XKR4: variants seen among roughly 807,000 people sequenced by gnomAD.
XKR4 encodes XK related 4, also known as XK-related protein 4.
In XKR4, 12 loss-of-function variants were observed where a neutral mutation model predicts 53.9. The observed-to-expected ratio is 0.22, with a 90% CI of 0.14 to 0.36. The LOEUF (loss-of-function observed/expected upper bound fraction) is 0.36. Among genes scored for constraint, XKR4 ranks in the 10% least tolerant of loss-of-function variants. The probability of loss-of-function intolerance (pLI) is 1.00; values close to 1 mark genes in which losing one functional copy is unlikely to be tolerated. For synonymous variants in XKR4, 354 were observed against 362.4 expected (o/e 0.98, Z 0.26); for missense variants, 799 against 859.5 (o/e 0.93, Z 0.88).
intron 1 of XKR4, among the ~76,000 whole-genome samples, chr8:55,241,456 A>C (rs1317377689): frequency 6.6e-6 from 1 of 151,254 alleles, no homozygotes; most frequent in Non-Finnish European, 1.5e-5. Flanking sequence ...ACTGCAGTCC[A>C]TCAGCCCAGG....
At chr8:55,257,745 C>T (rs555570047) in intron 1 of XKR4, among the ~76,000 whole-genome samples, 6 of 152,246 alleles carry the variant, frequency 3.9e-5, no homozygotes, top group South Asian at 4.1e-4. Flanking sequence ...TGTGGCTTTT[C>T]ACTCTCAAAT....
intron 1 of XKR4, among the ~76,000 whole-genome samples, chr8:55,317,562 A>T (rs1803110681): frequency 6.6e-6 from 1 of 152,222 alleles, no homozygotes; most frequent in African/African-American, 2.4e-5. Flanking sequence ...GCTCTGATTT[A>T]TTTATGGATA....
chr8:55,261,753 A>G (rs961851780), intron 1 of XKR4, among the ~76,000 whole-genome samples: 2 of 152,352 alleles, frequency 1.3e-5, no homozygotes, highest in African/African-American at 4.8e-5. Flanking sequence ...TGAGTTCTCC[A>G]TGGGGCATGG....
intron 1 of XKR4, among the ~76,000 whole-genome samples, chr8:55,118,318 A>G (rs559257347): frequency 6.4e-4 from 98 of 152,202 alleles, no homozygotes; most frequent in Non-Finnish European, 1.3e-3. Flanking sequence ...GCTTGTATTT[A>G]TATCCTCATT....
chr8:55,358,295 C>T (rs1315729898), intron 2 of XKR4, among the ~76,000 whole-genome samples: 3 of 151,514 alleles, frequency 2.0e-5, no homozygotes, highest in African/African-American at 4.9e-5. Context: ...TAGAGTAATT[C>T]CTACTATTTC....
At chr8:55,382,561 T>A (rs559592839) in intron 2 of XKR4, among the ~76,000 whole-genome samples, 4 of 152,284 alleles carry the variant, frequency 2.6e-5, no homozygotes, top group Admixed American at 2.0e-4. Context: ...GGAGGGTATT[T>A]AAAAAGTTCA....
rs139676178 is a variant in XKR4 at position 55,330,760 on chromosome 8, G to A, written c.807-26918G>A. Among the ~76,000 whole-genome samples, 14 of 152,190 alleles carry A rather than the reference G, an allele frequency of 9.2e-5. 1 individual carries two copies. In the East Asian group the frequency reaches 2.7e-3, roughly 29 times the overall value. The stretch of plus-strand genomic sequence containing the variant: ...CATTCCCTTCCTCCCCAGAAGTCGT[G>A]AGTGTTCATGGCATGAAGTACTTCT... On this transcript the variant is annotated intron_variant, in intron 1 of 2. Coordinates refer to ENST00000327381, the MANE Select transcript of XKR4 (RefSeq NM_052898.2).
chr8:55,212,096 T>C (rs1372165381), intron 1 of XKR4, among the ~76,000 whole-genome samples: 1 of 144,974 alleles, frequency 6.9e-6, no homozygotes, highest in Admixed American at 7.1e-5. Flanking sequence ...CTGGAATCAA[T>C]AGAAGGGAGT....
intron 2 of XKR4, among the ~76,000 whole-genome samples, chr8:55,429,621 A>T (rs1467168895): frequency 6.6e-6 from 1 of 152,088 alleles, no homozygotes; most frequent in African/African-American, 2.4e-5. Context: ...AGGCTAAGCT[A>T]GTGGGGCACT....
chr8:55,486,927 T>C (rs1806200324), intron 2 of XKR4, among the ~76,000 whole-genome samples: 1 of 152,210 alleles, frequency 6.6e-6, no homozygotes, highest in African/African-American at 2.4e-5. Flanking sequence ...AAATTCAGTT[T>C]CCCCAATACC....
At chr8:55,430,194 G>C (rs559023474) in intron 2 of XKR4, among the ~76,000 whole-genome samples, 2 of 152,138 alleles carry the variant, frequency 1.3e-5, no homozygotes, top group African/African-American at 4.8e-5. Flanking sequence ...CACACACATT[G>C]CTGATGGGAA....
chr8:55,184,679 G>A (rs1817354300), intron 1 of XKR4, among the ~76,000 whole-genome samples: 1 of 152,192 alleles, frequency 6.6e-6, no homozygotes, highest in African/African-American at 2.4e-5. Flanking sequence ...TTAAGTACGT[G>A]TTAAATAAGG....
At chr8:55,213,770 C>T (rs1048823768) in intron 1 of XKR4, among the ~76,000 whole-genome samples, 5 of 150,490 alleles carry the variant, frequency 3.3e-5, no homozygotes, top group East Asian at 2.0e-4. Flanking sequence ...CTTTCACTAT[C>T]GTAATTTTCT....
chr8:55,114,138 A>C (rs541150005), intron 1 of XKR4, among the ~76,000 whole-genome samples: 1 of 152,266 alleles, frequency 6.6e-6, no homozygotes, highest in Non-Finnish European at 1.5e-5. Context: ...TAGCTCTTTG[A>C]GGGATTGCCA....
chr8:55,403,170 A>C (rs1221359256), intron 2 of XKR4, among the ~76,000 whole-genome samples: 1 of 152,284 alleles, frequency 6.6e-6, no homozygotes, highest in East Asian at 1.9e-4. Context: ...AATTAAACTA[A>C]ATTTTGTTGA....
intron 2 of XKR4, among the ~76,000 whole-genome samples, chr8:55,375,721 T>TC (rs386412807): frequency 1.3e-5 from 2 of 151,330 alleles, no homozygotes; most frequent in African/African-American, 4.9e-5. Context: ...TTTTTCTTTT[T>TC]TTTTTTAAAT....
In XKR4 at chr8:55,146,378, T is replaced by C. The variant is rs145287137; in HGVS notation, c.806+43084T>C. On this transcript the variant is annotated intron_variant, in intron 1 of 2. Transcript: ENST00000327381. ...AAAAGAATGTTCTTACATATAAGTA[T>C]AATGAGGTGGAAATTAGTTTCCACC... 3.3e-3 allele frequency among the ~76,000 whole-genome samples: 497 copies of C among 152,314 alleles called. 2 individuals are homozygous for C. Among genetic ancestry groups the C allele is most frequent in the African/African-American group, 0.011 (459 of 41,556 alleles).
rs1563373734 is a variant in XKR4, at chr8:55,525,627, C to T, written c.*1400C>T. The T allele has an allele frequency of 6.6e-6, 1 of 152,534 alleles. No homozygotes were observed. The highest frequency in any genetic ancestry group is 1.5e-5 in the Non-Finnish European group (1 of 68,020). The allele number at this position is 152,534 out of a possible 1,614,324, so 9.4% of individuals were successfully genotyped here. A position where few individuals can be genotyped will look rare whatever the true frequency, so the allele number is the denominator to read the frequency against. On this transcript the variant is annotated 3_prime_UTR_variant, in exon 3 of 3. Coordinates refer to ENST00000327381, the MANE Select transcript of XKR4 (RefSeq NM_052898.2). The stretch of plus-strand genomic sequence containing the variant: ...CCCCGCTTTCTGTTCTCAGTGTCCT[C>T]GGTCATGGTGCTTTTCGTTGCATTA...
intron 1 of XKR4, among the ~76,000 whole-genome samples, chr8:55,219,642 C>T (rs1044895198): frequency 2.0e-5 from 3 of 152,178 alleles, no homozygotes; most frequent in African/African-American, 7.2e-5. Context: ...AACCAACAAC[C>T]TCTCCCCATC....
Sources: gnomAD v4.1 joint callset for allele counts (sites outside exome capture counted in the v4.1 genomes callset) on GRCh38, gnomAD v4.1.1 for gene constraint, MANE v1.5 for transcripts, NCBI Gene and HGNC (gene_info 2026-07-23, HGNC 2026-07-21) for gene names.